The following ZNF646 variants were observed in gnomAD, a reference collection of about 807,000 sequenced individuals.
The protein encoded by ZNF646 is zinc finger protein 646.
Under a neutral mutation model 115.4 loss-of-function variants are expected in ZNF646, and 49 were observed. That is an observed-to-expected ratio of 0.42 (90% CI 0.34 to 0.54). The LOEUF is 0.54. ZNF646 is among the 20% of genes least tolerant of loss of function. The pLI is 0.04. For missense variants in ZNF646, 2,269 were observed against 2,457.9 expected, an observed-to-expected ratio of 0.92 and a Z score of 1.62; for synonymous variants, 933 against 939.0, an observed-to-expected ratio of 0.99 and a Z score of 0.12.
chr16:31,081,082 C>T lies in ZNF646; in HGVS notation c.4758C>T (p.Ala1586=), dbSNP rs2057152036. 1.2e-6 allele frequency: 2 copies of T among 1,613,812 alleles called. No individual in the cohort carries two copies. Among genetic ancestry groups the T allele is most frequent in the Non-Finnish European group, 1.7e-6 (2 of 1,179,958 alleles). The change falls in exon 2 of 3, where the codon GCC becomes GCT. Residue 1586 remains alanine (A), a synonymous_variant. Transcript: ENST00000300850. ...SHNHIDAQTF[A]CPDCGKAFES... is the part of the protein sequence containing the mutation. ...ACCACATAGACGCCCAGACCTTTGC[C>T]TGTCCTGACTGTGGCAAAGCCTTTG...
Position 31,080,917 on chromosome 16 carries a change from C to T in ZNF646, c.4593C>T (p.Ser1531=), listed in dbSNP as rs773655483. The change falls in exon 2 of 3, where the codon TCC becomes TCT. Residue 1531 remains serine, a synonymous_variant. Coordinates refer to ENST00000300850, the MANE Select transcript of ZNF646 (RefSeq NM_014699.4). ...NSSQLQPGSH[S]SCSQCGKTYC... is the part of the protein sequence containing the mutation. ...CTCAGCTGCAGCCAGGGAGCCACTC[C>T]TCTTGCAGCCAGTGTGGCAAGACTT... 3.7e-6 allele frequency: 6 copies of T among 1,614,164 alleles called. No individual in the cohort carries two copies. Among genetic ancestry groups the T allele is most frequent in the Non-Finnish European group, 2.5e-6 (3 of 1,180,030 alleles).
rs762069872 is a variant in ZNF646, at chr16:31,081,656, C to A, written c.5332C>A (p.Gln1778Lys). 4.7e-5 allele frequency: 75 copies of A among 1,603,786 alleles called. No homozygotes were observed. In the East Asian group the frequency reaches 1.7e-3, roughly 35 times the overall value. ...RHFRRRISFV[Q>K]HQQQHQEEWT... ...CTTCCGCCGCCGAATCAGCTTCGTG[C>A]AGCACCAGCAGCAGCACCAGGAGGA... Residue 1778 changes from glutamine (Q) to lysine (K), a missense_variant, in exon 2 of 3, where the codon CAG (glutamine) becomes AAG (lysine). This residue lies in a region of ZNF646 where 1,062 missense variants were observed against 1,172.8 expected (regional missense o/e 0.91). Coordinates refer to ENST00000300850, the MANE Select transcript of ZNF646 (RefSeq NM_014699.4).
chr16:31,080,319 C>T lies in ZNF646; in HGVS notation c.3995C>T (p.Pro1332Leu). 1 of 1,613,580 alleles carries T rather than the reference C, an allele frequency of 6.2e-7. No individual in the cohort carries two copies. Among genetic ancestry groups the T allele is most frequent in the Non-Finnish European group, 8.5e-7 (1 of 1,179,922 alleles). ...GGCCAGTACAGCTGCCCCACCTGCC[C>T]CAAGACCTACTCCAACCGCATGGCC... is the stretch of plus-strand genomic sequence containing the variant. Reference protein sequence around the residue: ...ETGQYSCPTCPKTYSNRMALK... With the variant: ...ETGQYSCPTCLKTYSNRMALK... The change falls in exon 2 of 3, where the codon CCC becomes CTC. Residue 1332 changes from proline to leucine, a missense_variant. This residue lies in a region of ZNF646 where 1,062 missense variants were observed against 1,172.8 expected (regional missense o/e 0.91). Transcript: ENST00000300850.
Position 31,080,823 on chromosome 16 carries a change from C to G in ZNF646, c.4499C>G (p.Ala1500Gly), listed in dbSNP as rs140121354. Residue 1500 changes from alanine (A) to glycine (G), a missense_variant, in exon 2 of 3, where the codon GCT becomes GGT. Transcript: ENST00000300850. Reference protein sequence around the residue: ...EDSVHRSPCHAGDCQLNGPTL... With the variant: ...EDSVHRSPCHGGDCQLNGPTL... ...AGTGTCCACAGGAGTCCTTGCCACG[C>G]TGGTGACTGCCAGCTCAATGGACCT... 2.9e-4 allele frequency: 474 copies of G among 1,614,024 alleles called. 1 individual carries two copies. Among genetic ancestry groups the G allele is most frequent in the Non-Finnish European group, 3.9e-4 (459 of 1,180,028 alleles).
At chr16:31,081,941 C>G (rs1051051262) in intron 2 of ZNF646, 1 of 603,216 alleles carries the variant, frequency 1.7e-6, no homozygotes, top group African/African-American at 1.9e-5. Flanking sequence ...GTGGTCAGGC[C>G]GAGGCTGCTA....
Position 31,078,187 on chromosome 16 carries a change from CTG to C in ZNF646, c.1866_1867del (p.Cys622TrpfsTer81). 1.2e-6 allele frequency: 2 copies of C among 1,614,110 alleles called. No individual in the cohort carries two copies. The highest frequency in any genetic ancestry group is 1.7e-6 in the Non-Finnish European group (2 of 1,180,054). ...SPPRAFACRD[C>X]GKSYRHSGSL... ...CTCCTAGGGCCTTTGCCTGCCGAGA[CTG>C]TGGAAAGAGCTATCGCCACTCAGGC... On this transcript the variant is annotated frameshift_variant, in exon 2 of 3. Transcript: ENST00000300850. LOFTEE classifies it high-confidence loss of function.
Position 31,081,406 on chromosome 16 carries a change from C to T in ZNF646, c.5082C>T (p.Asn1694=), listed in dbSNP as rs1239925343. The change falls in exon 2 of 3, where the codon AAC becomes AAT. Residue 1694 remains asparagine (N), a synonymous_variant. Coordinates refer to ENST00000300850, the MANE Select transcript of ZNF646 (RefSeq NM_014699.4). ...RSYRHAGSLL[N]HQKAHTTGLY... Reference sequence around the variant, plus strand: ...ACCGCCATGCTGGCAGCCTGCTGAACCACCAGAAGGCCCACACCACAGGGT... The same window carrying T: ...ACCGCCATGCTGGCAGCCTGCTGAATCACCAGAAGGCCCACACCACAGGGT... The T allele has an allele frequency of 6.2e-7, 1 of 1,611,464 alleles. No individual in the cohort carries two copies. The highest frequency in any genetic ancestry group is 8.5e-7 in the Non-Finnish European group (1 of 1,177,876).
At chr16:31,082,636 A>C in intron 2 of ZNF646, 6 of 320,962 alleles carry the variant, frequency 1.9e-5, no homozygotes, top group East Asian at 2.1e-4. Context: ...CACCTCCCCT[A>C]GTAGAGGCGG....
Position 31,074,511 on chromosome 16 carries a change from C to G in ZNF646, c.-200C>G, listed in dbSNP as rs569703447. On this transcript the variant is annotated 5_prime_UTR_variant, in exon 1 of 3. Coordinates refer to ENST00000300850, the MANE Select transcript of ZNF646 (RefSeq NM_014699.4). ...TTTTCTCTACCTCCTTCCTCTTCCC[C>G]CCTTCTCCTTTCCCTCTTTCCCTTC... is the stretch of plus-strand genomic sequence containing the variant. 1 of 152,534 alleles carries G rather than the reference C, an allele frequency of 6.6e-6. No individual in the cohort carries two copies. Among genetic ancestry groups the G allele is most frequent in the Non-Finnish European group, 1.5e-5 (1 of 68,168 alleles). The allele number at this position is 152,534 out of a possible 1,614,324, so 9.4% of individuals were successfully genotyped here.
Position 31,083,859 on chromosome 16 carries a change from T to TGCCACCCACCCCC in ZNF646, c.*767_*768insGCCACCCACCCCC. ...GTTGTCCTCATCCTCACGGCTTTGG[T>TGCCACCCACCCCC]CCCTCCCTCCCTCCCCATTCCTCGA... On this transcript the variant is annotated 3_prime_UTR_variant, in exon 3 of 3. Transcript: ENST00000300850. 1 of 1,590,060 alleles carries TGCCACCCACCCCC rather than the reference T, an allele frequency of 6.3e-7. No individual in the cohort carries two copies. Among genetic ancestry groups the TGCCACCCACCCCC allele is most frequent in the Non-Finnish European group, 8.6e-7 (1 of 1,161,336 alleles).
rs772812471 is a variant in ZNF646, at chr16:31,078,314, C to T, written c.1990C>T (p.Arg664Cys). 6.2e-6 allele frequency: 10 copies of T among 1,613,620 alleles called. No homozygotes were observed. The highest frequency in any genetic ancestry group is 1.1e-5 in the South Asian group (1 of 91,084). The change falls in exon 2 of 3, where the codon CGC becomes TGC. Residue 664 changes from arginine to cysteine, a missense_variant. Transcript: ENST00000300850. ...CATGGCTGCCATGAAGAACCACTTGCGCCGGCACAGTCGGCGGCGGAGCAG... is the reference window on the plus strand; with the variant it reads ...CATGGCTGCCATGAAGAACCACTTGTGCCGGCACAGTCGGCGGCGGAGCAG... ...HTMAAMKNHL[R>C]RHSRRRSRRH...
chr16:31,083,513 C>A lies in ZNF646; in HGVS notation c.*421C>A. 2 of 1,337,864 alleles carry A rather than the reference C, an allele frequency of 1.5e-6. No homozygotes were observed. Among genetic ancestry groups the A allele is most frequent in the Non-Finnish European group, 1.9e-6 (2 of 1,040,946 alleles). The allele number at this position is 1,337,864 out of a possible 1,614,324, so 82.9% of individuals were successfully genotyped here. On this transcript the variant is annotated 3_prime_UTR_variant, in exon 3 of 3. Transcript: ENST00000300850. The stretch of plus-strand genomic sequence containing the variant: ...CCAAAAAAAGAAATTTTCAAAACAA[C>A]GTGGCTGGCGTGATTGTATCTGAAA...
upstream of ZNF646, chr16:31,073,375 A>G (rs2057032918): frequency 6.6e-6 from 1 of 152,032 alleles, no homozygotes; most frequent in Admixed American, 6.6e-5. Flanking sequence ...AACCCAAAAC[A>G]TGGCGGGCTC....
Position 31,080,553 on chromosome 16 carries a change from T to C in ZNF646, c.4229T>C (p.Leu1410Pro). 6.2e-7 allele frequency: 1 copy of C among 1,614,082 alleles called. No individual in the cohort carries two copies. The highest frequency in any genetic ancestry group is 8.5e-7 in the Non-Finnish European group (1 of 1,180,026). The stretch of plus-strand genomic sequence containing the variant: ...GGCACAGCGGCCAGTGAGGCGAACC[T>C]GACTGGCAGCCAGGGACTAGAGACC... ...LDGTAASEAN[L>P]TGSQGLETQL... is the part of the protein sequence containing the mutation. The change falls in exon 2 of 3, where the codon CTG becomes CCG. Residue 1410 changes from leucine to proline, a missense_variant. Leu to Pro is a moderately conservative substitution (Grantham distance 98). This residue lies in a region of ZNF646 where 1,062 missense variants were observed against 1,172.8 expected (regional missense o/e 0.91). Coordinates refer to ENST00000300850, the MANE Select transcript of ZNF646 (RefSeq NM_014699.4).
In ZNF646 at chr16:31,078,184, A is replaced by C; in HGVS notation, c.1860A>C (p.Arg620=). 6.2e-7 allele frequency: 1 copy of C among 1,614,074 alleles called. No homozygotes were observed. ...TMSPPRAFAC[R]DCGKSYRHSG... is the part of the protein sequence containing the mutation. ...CACCTCCTAGGGCCTTTGCCTGCCG[A>C]GACTGTGGAAAGAGCTATCGCCACT... Residue 620 remains arginine (R), a synonymous_variant, in exon 2 of 3, where the codon CGA becomes CGC. Coordinates refer to ENST00000300850, the MANE Select transcript of ZNF646 (RefSeq NM_014699.4).
Position 31,076,279 on chromosome 16 carries a change from A to G in ZNF646, c.-46A>G. The G allele has an allele frequency of 1.3e-6, 2 of 1,556,980 alleles. No homozygotes were observed. The highest frequency in any genetic ancestry group is 2.4e-5 in the South Asian group (2 of 83,452). On this transcript the variant is annotated 5_prime_UTR_variant, in exon 2 of 3. Coordinates refer to ENST00000300850, the MANE Select transcript of ZNF646 (RefSeq NM_014699.4). ...CCCTCCACCAGAGGAAGGTGCTGCC[A>G]CGTGTCTGCTCCTTCTGAACCTCCA...
upstream of ZNF646, chr16:31,073,193 A>G (rs1439873956): frequency 6.6e-6 from 1 of 152,404 alleles, no homozygotes; most frequent in Non-Finnish European, 1.5e-5. Context: ...GGCAAGGAGG[A>G]CTGAACGAAG....
chr16:31,075,509 G>C (rs1253921957), intron 1 of ZNF646, among the ~76,000 whole-genome samples: 1 of 152,138 alleles, frequency 6.6e-6, no homozygotes, highest in East Asian at 1.9e-4. Flanking sequence ...TGTTGTCCAG[G>C]CTGGTCTTGA....
At position 31,080,439 on chromosome 16, in the gene ZNF646, G is replaced by C; in HGVS notation, c.4115G>C (p.Ser1372Thr). Residue 1372 changes from serine (S) to threonine (T), a missense_variant, in exon 2 of 3, where the codon AGC (serine) becomes ACC (threonine). Ser to Thr is a moderately conservative substitution (Grantham distance 58). This residue lies in a region of ZNF646 where 1,062 missense variants were observed against 1,172.8 expected (regional missense o/e 0.91). Transcript: ENST00000300850. The stretch of plus-strand genomic sequence containing the variant: ...GTGCGTTGCGCCCTCTGTGGCCGCA[G>C]CTTCCCTGGCCGGGGATCTTTGGAG... ...TAVRCALCGR[S>T]FPGRGSLERH... 6.2e-7 allele frequency: 1 copy of C among 1,613,316 alleles called. No individual in the cohort carries two copies.
Sources: allele counts gnomAD v4.1 joint callset (sites outside exome capture counted in the v4.1 genomes callset), GRCh38; gene constraint gnomAD v4.1.1; regional missense constraint gnomAD v4.1.1; transcripts MANE v1.5; gene names NCBI Gene and HGNC (gene_info 2026-07-23, HGNC 2026-07-21).